THSD7B: variants seen among roughly 807,000 people sequenced by gnomAD.
THSD7B encodes thrombospondin type-1 domain-containing protein 7B.
A neutral mutation model predicts 213.6 loss-of-function variants in THSD7B; 138 were observed. The observed-to-expected ratio is 0.65, with a 90% CI of 0.56 to 0.74. The LOEUF (loss-of-function observed/expected upper bound fraction) is 0.74, where lower values mean the gene tolerates loss of function less well. THSD7B is among the 30% of genes least tolerant of loss of function. THSD7B has a pLI of 0.00. For synonymous variants in THSD7B, 742 were observed against 687.0 expected (o/e 1.08, Z -1.25); for missense variants, 1,931 against 1,991.5 (o/e 0.97, Z 0.58).
At chr2:136,870,431 A>T (rs1021310243) in intron 1 of THSD7B, among the ~76,000 whole-genome samples, 5 of 152,282 alleles carry the variant, frequency 3.3e-5, no homozygotes, top group African/African-American at 7.2e-5. Flanking sequence ...GGAACTGGAC[A>T]TATAACACTG....
intron 27 of THSD7B, among the ~76,000 whole-genome samples, chr2:137,671,556 A>G (rs1449709248): frequency 1.3e-5 from 2 of 152,168 alleles, no homozygotes; most frequent in African/African-American, 4.8e-5. Context: ...CCTTCTTCAC[A>G]GAGCAGCAGA....
chr2:137,271,440 T>A lies in THSD7B; in HGVS notation c.2267-1093T>A, dbSNP rs1558737573. ...ATATATAATTATATAATATATATAA[T>A]ATAATATATAATATAATATATAATA... On this transcript the variant is annotated intron_variant, in intron 10 of 27. Coordinates refer to ENST00000409968, the MANE Select transcript of THSD7B (RefSeq NM_001316349.2). Among the ~76,000 whole-genome samples, 61 of 128,704 alleles carry A rather than the reference T, an allele frequency of 4.7e-4. 2 individuals are homozygous for A. Among genetic ancestry groups the A allele is most frequent in the African/African-American group, 1.2e-3 (39 of 31,958 alleles). The allele number at this position is 128,704 out of a possible 152,430, so 84.4% of individuals were successfully genotyped here.
intron 14 of THSD7B, among the ~76,000 whole-genome samples, chr2:137,414,390 GACTT>G (rs1229174778): frequency 1.3e-5 from 2 of 151,982 alleles, no homozygotes; most frequent in Non-Finnish European, 2.9e-5. Context: ...TACTAATAAA[GACTT>G]AGTGTGTGTG....
rs1474354779 is a variant in THSD7B at position 137,354,745 on chromosome 2, T to C, written c.2501-50868T>C. On this transcript the variant is annotated intron_variant, in intron 12 of 27. Transcript: ENST00000409968. ...ATTATGAAATTTAGAATCAAGGTAC[T>C]ACTTTTGTCCGAAAAACAGCCCATA... 2.6e-5 allele frequency among the ~76,000 whole-genome samples: 4 copies of C among 152,116 alleles called. No homozygotes were observed. The East Asian group carries it at 7.7e-4, about 29-fold the overall frequency.
chr2:137,486,733 A>G (rs1176530008), intron 15 of THSD7B, among the ~76,000 whole-genome samples: 2 of 152,210 alleles, frequency 1.3e-5, no homozygotes, highest in Admixed American at 1.3e-4. Context: ...AATTGATCAC[A>G]TAGTTGGAAG....
chr2:137,303,706 A>ATATATATTTTTT (rs1553437349), intron 12 of THSD7B, among the ~76,000 whole-genome samples: 1 of 122,166 alleles, frequency 8.2e-6, no homozygotes, highest in Admixed American at 8.4e-5. Flanking sequence ...ATATATATTT[A>ATATATATTTTTT]TATATATATT....
chr2:137,200,435 ATT>A (rs34450110), intron 7 of THSD7B, among the ~76,000 whole-genome samples: 1 of 151,786 alleles, frequency 6.6e-6, no homozygotes, highest in Non-Finnish European at 1.5e-5. Flanking sequence ...TTTGTCAAGT[ATT>A]TTTTTTAATG....
intron 15 of THSD7B, among the ~76,000 whole-genome samples, chr2:137,455,303 T>C (rs2105072092): frequency 6.6e-6 from 1 of 152,304 alleles, no homozygotes; most frequent in African/African-American, 2.4e-5. Flanking sequence ...CTGTGATTTG[T>C]CATTAGAATT....
chr2:136,845,435 TG>T (rs753481607), intron 1 of THSD7B, among the ~76,000 whole-genome samples: 4 of 152,214 alleles, frequency 2.6e-5, no homozygotes, highest in Admixed American at 6.5e-5. Context: ...TTGCAGCATC[TG>T]GGGAAACATA....
intron 1 of THSD7B, among the ~76,000 whole-genome samples, chr2:136,807,564 T>C (rs1682305704): frequency 7.0e-6 from 1 of 141,930 alleles, no homozygotes. Flanking sequence ...TGGAGTGCAG[T>C]GGCACAATCT....
intron 14 of THSD7B, among the ~76,000 whole-genome samples, chr2:137,425,748 G>A (rs915092478): frequency 6.6e-6 from 1 of 152,098 alleles, no homozygotes; most frequent in African/African-American, 2.4e-5. Context: ...ATGGTAAAAA[G>A]TTGAAAGCTT....
intron 12 of THSD7B, among the ~76,000 whole-genome samples, chr2:137,383,081 T>A (rs545395877): frequency 6.6e-6 from 1 of 152,330 alleles, no homozygotes; most frequent in African/African-American, 2.4e-5. Context: ...CTTGACCTTG[T>A]GGTTAACCAC....
chr2:137,607,798 A>C (rs1682211875), intron 17 of THSD7B, among the ~76,000 whole-genome samples: 2 of 152,210 alleles, frequency 1.3e-5, no homozygotes, highest in Non-Finnish European at 2.9e-5. Context: ...TATCTGTTCC[A>C]AAACCTTTGA....
intron 7 of THSD7B, among the ~76,000 whole-genome samples, chr2:137,192,992 G>A (rs1199255469): frequency 2.0e-5 from 3 of 152,150 alleles, no homozygotes; most frequent in Non-Finnish European, 4.4e-5. Context: ...GTGTATGTGT[G>A]TATGTGTGTG....
intron 3 of THSD7B, among the ~76,000 whole-genome samples, chr2:137,067,303 A>G (rs1216236797): frequency 1.3e-5 from 2 of 151,990 alleles, no homozygotes; most frequent in African/African-American, 4.8e-5. Context: ...GGGTAATTAG[A>G]CCTTTAGTGT....
intron 7 of THSD7B, among the ~76,000 whole-genome samples, chr2:137,208,267 C>G (rs994811426): frequency 3.3e-5 from 5 of 152,018 alleles, no homozygotes; most frequent in Non-Finnish European, 7.4e-5. Context: ...TTTACTTAAT[C>G]TAAATGGGTC....
chr2:137,258,428 T>C (rs1014821556), intron 10 of THSD7B, among the ~76,000 whole-genome samples: 2 of 152,132 alleles, frequency 1.3e-5, no homozygotes, highest in Non-Finnish European at 2.9e-5. Context: ...TGTTGCTCTG[T>C]CTGGAATTTG....
intron 15 of THSD7B, among the ~76,000 whole-genome samples, chr2:137,499,644 G>A (rs561540119): frequency 2.0e-5 from 3 of 152,178 alleles, no homozygotes; most frequent in Admixed American, 6.5e-5. Flanking sequence ...AAAAAGCATC[G>A]AATTGCTTAA....
At chr2:136,819,777 T>C (rs1682540718) in intron 1 of THSD7B, among the ~76,000 whole-genome samples, 1 of 152,136 alleles carries the variant, frequency 6.6e-6, no homozygotes, top group Non-Finnish European at 1.5e-5. Flanking sequence ...CCCTTCTTTC[T>C]TCATTTTAGA....
Sources: allele counts gnomAD v4.1 joint callset (sites outside exome capture counted in the v4.1 genomes callset), GRCh38; gene constraint gnomAD v4.1.1; transcripts MANE v1.5; gene names NCBI Gene and HGNC (gene_info 2026-07-23, HGNC 2026-07-21).